Variants in MYLK observed in about 807,000 individuals in gnomAD.
MYLK encodes the protein myosin light chain kinase, smooth muscle.
A neutral mutation model predicts 203.4 loss-of-function variants in MYLK; 106 were observed. That is an observed-to-expected ratio of 0.52 (90% confidence interval 0.45 to 0.61). MYLK has a LOEUF of 0.61. Ranked by LOEUF, MYLK falls within the 20% of genes least tolerant of loss-of-function variation. The pLI is 0.00. For synonymous variants in MYLK, 867 were observed against 959.5 expected (o/e 0.90, Z 1.78); for missense variants, 2,072 against 2,442.3 (o/e 0.85, Z 3.20).
intron 4 of MYLK, among the ~76,000 whole-genome samples, chr3:123,775,587 C>T (rs909701111): frequency 6.6e-6 from 1 of 152,144 alleles, no homozygotes; most frequent in Non-Finnish European, 1.5e-5. Flanking sequence ...GGCTCCTAGT[C>T]TGGAGCCCAG....
chr3:123,772,699 A>G (rs2063923372), intron 4 of MYLK, among the ~76,000 whole-genome samples: 1 of 152,110 alleles, frequency 6.6e-6, no homozygotes, highest in African/African-American at 2.4e-5. Context: ...TAAAAAGAAC[A>G]CAGAAGGAAA....
At chr3:123,669,817 C>T (rs2059853767) in intron 20 of MYLK, among the ~76,000 whole-genome samples, 1 of 151,606 alleles carries the variant, frequency 6.6e-6, no homozygotes, top group Non-Finnish European at 1.5e-5. Context: ...GGTGGATCAC[C>T]AGAAGTCGGA....
chr3:123,794,649 T>C (rs1377823161), intron 3 of MYLK, among the ~76,000 whole-genome samples: 1 of 152,122 alleles, frequency 6.6e-6, no homozygotes, highest in Non-Finnish European at 1.5e-5. Context: ...CTAGATAAGA[T>C]GTGACTGGGG....
chr3:123,880,050 G>A (rs964516811), intron 1 of MYLK, among the ~76,000 whole-genome samples: 2 of 152,142 alleles, frequency 1.3e-5, no homozygotes, highest in African/African-American at 4.8e-5. Flanking sequence ...ATATAGACCT[G>A]GAGAACACTG....
intron 11 of MYLK, among the ~76,000 whole-genome samples, chr3:123,726,606 A>C (rs1204135459): frequency 6.6e-6 from 1 of 152,290 alleles, no homozygotes; most frequent in East Asian, 1.9e-4. Context: ...CATAGGACTC[A>C]CATGTGCTCC....
At chr3:123,865,425 T>C (rs753089407) in intron 2 of MYLK, among the ~76,000 whole-genome samples, 2 of 152,256 alleles carry the variant, frequency 1.3e-5, no homozygotes, top group Non-Finnish European at 2.9e-5. Context: ...TTGGCCTTAA[T>C]AGACAGGAGT....
At chr3:123,762,537 T>C (rs934509010) in intron 4 of MYLK, among the ~76,000 whole-genome samples, 1 of 152,152 alleles carries the variant, frequency 6.6e-6, no homozygotes, top group East Asian at 1.9e-4. Flanking sequence ...TGGCCTACTT[T>C]ATTCTTTTTA....
chr3:123,683,262 T>C lies in MYLK; in HGVS notation c.3566-952A>G, dbSNP rs981170787. Among the ~76,000 whole-genome samples the C allele has an allele frequency of 2.3e-5, 3 of 131,996 alleles. No individual in the cohort carries two copies. In the South Asian group the frequency reaches 8.1e-4, roughly 35 times the overall value. The allele number at this position is 131,996 out of a possible 152,430, so 86.6% of individuals were successfully genotyped here. A position where few individuals can be genotyped will look rare whatever the true frequency, so the allele number is the denominator to read the frequency against. ...GCCCCCTCCCTGGGCATCCTTTTCC[T>C]GCTCCTGAGGAGAGGAAGCTAAGTG... On this transcript the variant is annotated intron_variant, in intron 19 of 33. Transcript: ENST00000360304.
intron 33 of MYLK, among the ~76,000 whole-genome samples, chr3:123,614,730 C>T (rs891411824): frequency 2.7e-5 from 4 of 150,542 alleles, no homozygotes; most frequent in Admixed American, 1.3e-4. Context: ...TGGGCTCAAA[C>T]GATCCTCCCT....
intron 20 of MYLK, 33 bp downstream of exon 20, chr3:123,682,191 G>C (rs754211058): frequency 1.9e-6 from 3 of 1,558,296 alleles, no homozygotes; most frequent in Non-Finnish European, 2.6e-6. Flanking sequence ...CCCTGCCTCT[G>C]CCTCTGCCTG....
intron 28 of MYLK, chr3:123,638,823 C>G: frequency 1.0e-6 from 1 of 985,432 alleles, no homozygotes; most frequent in Non-Finnish European, 1.2e-6. Flanking sequence ...GGCTTCAACC[C>G]CAGGGTGGTA....
At chr3:123,749,398 C>A (rs1305955600) in intron 5 of MYLK, among the ~76,000 whole-genome samples, 1 of 152,170 alleles carries the variant, frequency 6.6e-6, no homozygotes, top group African/African-American at 2.4e-5. Context: ...CCTTGCTCTG[C>A]ACCAAGCCTC....
At chr3:123,784,628 A>T (rs1257287616) in intron 4 of MYLK, among the ~76,000 whole-genome samples, 1 of 152,002 alleles carries the variant, frequency 6.6e-6, no homozygotes, top group Non-Finnish European at 1.5e-5. Flanking sequence ...TATAATGAAC[A>T]CTTTTGACTT....
At chr3:123,854,464 A>T (rs2031167267) in intron 2 of MYLK, among the ~76,000 whole-genome samples, 1 of 152,134 alleles carries the variant, frequency 6.6e-6, no homozygotes, top group Admixed American at 6.6e-5. Flanking sequence ...TTTTTTGCAT[A>T]GCTAACAAAT....
chr3:123,827,694 CATATATAT>C (rs3052386), intron 3 of MYLK, among the ~76,000 whole-genome samples: 1,302 of 23,930 alleles, frequency 0.054, 49 homozygotes, highest in Middle Eastern at 0.15. Context: ...TGAAAAACAC[CATATATAT>C]ATATATATAT....
In MYLK at chr3:123,851,561, A is replaced by G. The variant is rs190745617; in HGVS notation, c.-126-19891T>C. 5.8e-3 allele frequency among the ~76,000 whole-genome samples: 884 copies of G among 152,270 alleles called. 13 individuals are homozygous for G. The highest frequency in any genetic ancestry group is 0.02 in the African/African-American group (834 of 41,546). On this transcript the variant is annotated intron_variant, in intron 2 of 33. Coordinates refer to ENST00000360304, the MANE Select transcript of MYLK (RefSeq NM_053025.4). ...CTCTCTGTTTGTCTGTTATTGCTGT[A>G]TAAGAATGCTTGTGATTTTTGCACA...
At chr3:123,878,890 T>C (rs1193040894) in intron 1 of MYLK, among the ~76,000 whole-genome samples, 2 of 152,196 alleles carry the variant, frequency 1.3e-5, no homozygotes, top group Admixed American at 6.5e-5. Context: ...TTTCACCACG[T>C]TGGTCAGGCT....
In MYLK at chr3:123,612,296, T is replaced by C. The variant is rs6438804; in HGVS notation, c.*1809A>G. 46,238 of 152,564 alleles carry C rather than the reference T, an allele frequency of 0.3. 10,378 individuals carry two copies. The highest frequency in any genetic ancestry group is 0.62 in the East Asian group (3,192 of 5,170). The allele number at this position is 152,564 out of a possible 1,614,324, so 9.5% of individuals were successfully genotyped here. On this transcript the variant is annotated 3_prime_UTR_variant, in exon 34 of 34. Coordinates refer to ENST00000360304, the MANE Select transcript of MYLK (RefSeq NM_053025.4). ...GGAAAGAAAGAGAAGTCTGCAAAGATTGAACAAACAGCATGCACTGTGGTA... is the reference window on the plus strand; with the variant it reads ...GGAAAGAAAGAGAAGTCTGCAAAGACTGAACAAACAGCATGCACTGTGGTA...
intron 5 of MYLK, 139 bp from the exon 6 acceptor site, chr3:123,740,140 A>G (rs2062814069): frequency 4.9e-6 from 4 of 809,172 alleles, no homozygotes; most frequent in South Asian, 4.1e-5. Context: ...GTCACTATGG[A>G]TACTATGGTA....
Sources: gnomAD v4.1 joint callset for allele counts (sites outside exome capture counted in the v4.1 genomes callset) on GRCh38, gnomAD v4.1.1 for gene constraint, MANE v1.5 for transcripts, NCBI Gene and HGNC (gene_info 2026-07-23, HGNC 2026-07-21) for gene names.